Variants in SPATA17 observed in about 807,000 individuals in gnomAD.
The protein encoded by SPATA17 is spermatogenesis associated 17, also known as spermatogenesis-associated protein 17.
SPATA17 carries 53 observed loss-of-function variants against 62.2 expected under a neutral mutation model. The ratio of observed to expected loss-of-function variants is 0.85; its 90% confidence interval spans 0.68 to 1.07. The LOEUF is 1.07. Ranked by LOEUF, SPATA17 falls within the 50% of genes least tolerant of loss-of-function variation. The pLI, the probability that SPATA17 is intolerant of heterozygous loss-of-function variation, is 0.00. For missense variants in SPATA17, 466 were observed against 425.5 expected (o/e 1.10, Z -0.84); for synonymous variants, 146 against 146.8 (o/e 0.99, Z 0.04).
rs537919741 is a variant in SPATA17, at chr1:217,869,855, G to A, written c.*2836G>A. ...AGGGGTCCATGCAGATGTTTGGAGG[G>A]GGGGGTCTTAAAGCTTTATTTTTAG... On this transcript the variant is annotated 3_prime_UTR_variant, in exon 11 of 11. Coordinates refer to ENST00000366933, the MANE Select transcript of SPATA17 (RefSeq NM_138796.4). 6.6e-6 allele frequency: 1 copy of A among 151,896 alleles called. No homozygotes were observed. The highest frequency in any genetic ancestry group is 2.4e-5 in the African/African-American group (1 of 41,330). The allele number at this position is 151,896 out of a possible 1,614,324, so 9.4% of individuals were successfully genotyped here.
chr1:217,844,528 G>A (rs1424506001), intron 9 of SPATA17, among the ~76,000 whole-genome samples: 1 of 152,060 alleles, frequency 6.6e-6, no homozygotes, highest in Non-Finnish European at 1.5e-5. Flanking sequence ...GGGTATTTGA[G>A]AACTACGGAT....
chr1:217,697,473 A>G (rs1486957727), intron 5 of SPATA17, among the ~76,000 whole-genome samples: 1 of 152,200 alleles, frequency 6.6e-6, no homozygotes, highest in Non-Finnish European at 1.5e-5. Context: ...TTATTTCAAT[A>G]ATATTTCCAA....
intron 5 of SPATA17, among the ~76,000 whole-genome samples, chr1:217,699,832 C>T (rs1671550081): frequency 6.6e-6 from 1 of 151,880 alleles, no homozygotes; most frequent in Non-Finnish European, 1.5e-5. Context: ...GTTTTATTGT[C>T]GTCCATTCTA....
At chr1:217,864,731 A>G (rs1432598556) in intron 10 of SPATA17, among the ~76,000 whole-genome samples, 1 of 152,126 alleles carries the variant, frequency 6.6e-6, no homozygotes, top group Non-Finnish European at 1.5e-5. Flanking sequence ...TTAAAACAAA[A>G]CACTCCAGTA....
At chr1:217,759,612 G>A (rs939951468) in intron 6 of SPATA17, among the ~76,000 whole-genome samples, 1 of 152,164 alleles carries the variant, frequency 6.6e-6, no homozygotes, top group Non-Finnish European at 1.5e-5. Flanking sequence ...TAGAGGAGCA[G>A]GAAGTTCATT....
At chr1:217,850,587 T>C in intron 9 of SPATA17, 4 of 1,596,462 alleles carry the variant, frequency 2.5e-6, no homozygotes, top group Non-Finnish European at 1.7e-6. Context: ...GGGCTCCACT[T>C]CAAGGGTGAT....
chr1:217,797,171 A>G (rs1674169687), intron 8 of SPATA17, among the ~76,000 whole-genome samples: 1 of 152,130 alleles, frequency 6.6e-6, no homozygotes, highest in South Asian at 2.1e-4. Context: ...GTCATCTGAT[A>G]ATGAGATCAG....
Position 217,669,083 on chromosome 1 carries a change from G to A in SPATA17, c.291G>A (p.Arg97=). ...MMNLYNAMAV[R]IQRRWRGYRV... ...ATCTCTACAATGCAATGGCTGTCAG[G>A]GTAAATATTTCTTCACTTGTTAAAC... is the stretch of plus-strand genomic sequence containing the variant. The change falls in exon 4 of 11, where the codon AGG becomes AGA. Residue 97 remains arginine, a splice_region_variant and synonymous_variant. Coordinates refer to ENST00000366933, the MANE Select transcript of SPATA17 (RefSeq NM_138796.4). 3 of 1,608,940 alleles carry A rather than the reference G, an allele frequency of 1.9e-6. No individual in the cohort carries two copies. Among genetic ancestry groups the A allele is most frequent in the East Asian group, 2.2e-5 (1 of 44,638 alleles).
intron 6 of SPATA17, among the ~76,000 whole-genome samples, chr1:217,749,979 C>CTATATATATATA (rs1421804013): frequency 2.3e-3 from 72 of 30,856 alleles, no homozygotes; most frequent in African/African-American, 5.1e-3. Flanking sequence ...CTCTCTCTCT[C>CTATATATATATA]TCTCTCTATA....
At chr1:217,810,160 AGAAT>A (rs1355988604) in intron 9 of SPATA17, among the ~76,000 whole-genome samples, 2 of 152,112 alleles carry the variant, frequency 1.3e-5, no homozygotes, top group Non-Finnish European at 2.9e-5. Flanking sequence ...GTATTTTTTG[AGAAT>A]ATGCATTTAT....
intron 5 of SPATA17, among the ~76,000 whole-genome samples, chr1:217,685,147 A>G (rs1671189583): frequency 6.6e-6 from 1 of 152,146 alleles, no homozygotes; most frequent in African/African-American, 2.4e-5. Context: ...CTAGGGTGAG[A>G]CAAGTGAGAC....
In SPATA17 at chr1:217,690,598, C is replaced by G. The variant is rs1457256410; in HGVS notation, c.395+7237C>G. Among the ~76,000 whole-genome samples the G allele has an allele frequency of 1.7e-3, 238 of 138,096 alleles. 1 individual carries two copies. Among genetic ancestry groups the G allele is most frequent in the Admixed American group, 4.1e-3 (56 of 13,566 alleles). The allele number at this position is 138,096 out of a possible 152,430, so 90.6% of individuals were successfully genotyped here. Reference sequence around the variant, plus strand: ...TGGTGCGCTGCACCCACTAACTCATCATCTAGCATTAGGTATATCTCCCAA... The same window carrying G: ...TGGTGCGCTGCACCCACTAACTCATGATCTAGCATTAGGTATATCTCCCAA... On this transcript the variant is annotated intron_variant, in intron 5 of 10. Transcript: ENST00000366933.
At chr1:217,825,054 T>TTG (rs36094864) in intron 9 of SPATA17, among the ~76,000 whole-genome samples, 119,223 of 150,006 alleles carry the variant, frequency 0.79, 47,831 homozygotes, top group Admixed American at 0.83. Context: ...ACAAATGTAT[T>TTG]TATTTATATG....
At chr1:217,752,494 A>T (rs1672939878) in intron 6 of SPATA17, among the ~76,000 whole-genome samples, 1 of 152,042 alleles carries the variant, frequency 6.6e-6, no homozygotes, top group South Asian at 2.1e-4. Flanking sequence ...ATACTCTTTG[A>T]TTGCTTCTTT....
intron 3 of SPATA17, among the ~76,000 whole-genome samples, chr1:217,652,740 A>G (rs903872696): frequency 6.6e-6 from 1 of 152,182 alleles, no homozygotes; most frequent in Non-Finnish European, 1.5e-5. Flanking sequence ...TAAATATGCA[A>G]TATCTCTGAG....
At chr1:217,704,283 G>T (rs369128971) in intron 5 of SPATA17, among the ~76,000 whole-genome samples, 7 of 111,698 alleles carry the variant, frequency 6.3e-5, no homozygotes, top group African/African-American at 2.4e-4. Context: ...TCGCTCTGTC[G>T]CCCAGGCCGG....
At chr1:217,645,365 A>C (rs1428738203) in intron 1 of SPATA17, among the ~76,000 whole-genome samples, 3 of 152,152 alleles carry the variant, frequency 2.0e-5, no homozygotes, top group Non-Finnish European at 4.4e-5. Flanking sequence ...ATAAAGGGTG[A>C]GTTCCTACAA....
At chr1:217,643,716 A>C (rs11117902) in intron 1 of SPATA17, among the ~76,000 whole-genome samples, 127,978 of 138,408 alleles carry the variant, frequency 0.92, 58,844 homozygotes, top group Non-Finnish European at 0.98. Context: ...CTCTCTCTCT[A>C]TATATATATA....
At chr1:217,657,971 G>T (rs964873348) in intron 3 of SPATA17, among the ~76,000 whole-genome samples, 2 of 152,158 alleles carry the variant, frequency 1.3e-5, no homozygotes, top group African/African-American at 2.4e-5. Flanking sequence ...AGGAGGAAAA[G>T]CCCCCTATAA....
Sources: gnomAD v4.1 joint callset for allele counts (sites outside exome capture counted in the v4.1 genomes callset) on GRCh38, gnomAD v4.1.1 for gene constraint, MANE v1.5 for transcripts, NCBI Gene and HGNC (gene_info 2026-07-23, HGNC 2026-07-21) for gene names.